The following EHBP1 variants were observed in gnomAD, a reference collection of about 807,000 sequenced individuals.
EHBP1 encodes the protein EH domain binding protein 1, also known as EH domain-binding protein 1.
A neutral mutation model predicts 144.0 loss-of-function variants in EHBP1; 55 were observed. The observed-to-expected ratio is 0.38, with a 90% CI of 0.31 to 0.48. The LOEUF is 0.48. EHBP1 is among the 20% of genes least tolerant of loss of function. The pLI, the probability that EHBP1 is intolerant of heterozygous loss-of-function variation, is 0.98. For synonymous variants in EHBP1, 469 were observed against 472.7 expected (o/e 0.99, Z 0.10); for missense variants, 1,200 against 1,364.2 (o/e 0.88, Z 1.90).
chr2:62,877,447 A>G (rs1212478607), intron 10 of EHBP1, among the ~76,000 whole-genome samples: 14 of 152,268 alleles, frequency 9.2e-5, no homozygotes. Context: ...TCATCCAGGC[A>G]GAAAACTAAT....
chr2:63,026,666 G>C (rs936113058), intron 19 of EHBP1, among the ~76,000 whole-genome samples: 1 of 152,120 alleles, frequency 6.6e-6, no homozygotes, highest in African/African-American at 2.4e-5. Context: ...CATTTCCATT[G>C]CCTCAATTGG....
chr2:62,719,457 A>T (rs2151913593), intron 2 of EHBP1, among the ~76,000 whole-genome samples: 1 of 152,118 alleles, frequency 6.6e-6, no homozygotes, highest in South Asian at 2.1e-4. Flanking sequence ...GCCATGATTC[A>T]CAAACTGTGC....
chr2:62,945,808 C>T (rs1037162167), intron 12 of EHBP1, among the ~76,000 whole-genome samples: 1 of 151,834 alleles, frequency 6.6e-6, no homozygotes, highest in Non-Finnish European at 1.5e-5. Context: ...TAATGCTGGC[C>T]GTAGAGCAAT....
chr2:62,733,955 A>G (rs551446961), intron 2 of EHBP1, among the ~76,000 whole-genome samples: 19 of 152,158 alleles, frequency 1.2e-4, no homozygotes, highest in African/African-American at 3.4e-4. Flanking sequence ...CTTTCACTCC[A>G]GTTTTGGGGG....
intron 10 of EHBP1, among the ~76,000 whole-genome samples, chr2:62,924,486 A>C (rs1442362376): frequency 6.6e-6 from 1 of 152,216 alleles, no homozygotes; most frequent in Non-Finnish European, 1.5e-5. Context: ...GGGAAAAAAG[A>C]GAGAAGACCC....
At chr2:62,831,860 A>G (rs2046842984) in intron 7 of EHBP1, among the ~76,000 whole-genome samples, 1 of 151,984 alleles carries the variant, frequency 6.6e-6, no homozygotes, top group Admixed American at 6.6e-5. Context: ...CCTCCTGGTG[A>G]TTTTTTCAAA....
chr2:62,892,902 C>G (rs1558868540), intron 10 of EHBP1, among the ~76,000 whole-genome samples: 1 of 151,936 alleles, frequency 6.6e-6, no homozygotes. Context: ...ACACATAAAC[C>G]AAAGTAATTA....
chr2:63,018,211 A>G (rs943945819), intron 19 of EHBP1, among the ~76,000 whole-genome samples: 3 of 152,182 alleles, frequency 2.0e-5, no homozygotes, highest in Admixed American at 1.3e-4. Flanking sequence ...TGCTTATAGT[A>G]CTTTTGTTTT....
intron 7 of EHBP1, among the ~76,000 whole-genome samples, chr2:62,848,620 C>G (rs2048464248): frequency 6.6e-6 from 1 of 152,130 alleles, no homozygotes; most frequent in Non-Finnish European, 1.5e-5. Context: ...TTGATATGCC[C>G]TACAACATAG....
At chr2:62,973,122 G>T (rs2058567751) in intron 14 of EHBP1, among the ~76,000 whole-genome samples, 1 of 152,154 alleles carries the variant, frequency 6.6e-6, no homozygotes, top group Non-Finnish European at 1.5e-5. Flanking sequence ...ATTTGCAGAT[G>T]GGAGTATTAT....
upstream of EHBP1, among the ~76,000 whole-genome samples, chr2:62,705,270 G>A (rs888138283): frequency 1.3e-5 from 2 of 152,124 alleles, no homozygotes; most frequent in Non-Finnish European, 2.9e-5. Context: ...AAACCCACAG[G>A]CAGCTGCACT....
intron 5 of EHBP1, among the ~76,000 whole-genome samples, chr2:62,801,599 G>C (rs1317987335): frequency 5.9e-5 from 9 of 152,122 alleles, no homozygotes; most frequent in African/African-American, 2.2e-4. Context: ...TCAAGAGCTA[G>C]ATCTGGCTTT....
chr2:62,702,270 T>A (rs2034299939), upstream of EHBP1, among the ~76,000 whole-genome samples: 1 of 152,250 alleles, frequency 6.6e-6, no homozygotes, highest in African/African-American at 2.4e-5. Context: ...TAAATTATTT[T>A]AAATGTTGCA....
intron 5 of EHBP1, chr2:62,771,817 AAAGT>A: frequency 6.6e-6 from 1 of 152,534 alleles, no homozygotes; most frequent in Non-Finnish European, 1.5e-5. Flanking sequence ...CTTTAAAAAT[AAAGT>A]ATGTGGGCTG....
intron 14 of EHBP1, among the ~76,000 whole-genome samples, chr2:62,958,947 G>T (rs1406146781): frequency 2.0e-5 from 3 of 152,116 alleles, no homozygotes; most frequent in Admixed American, 2.0e-4. Context: ...AAATTTGAGT[G>T]GATACAATGT....
At chr2:62,710,722 C>T (rs1378039871) in intron 2 of EHBP1, among the ~76,000 whole-genome samples, 3 of 152,018 alleles carry the variant, frequency 2.0e-5, no homozygotes, top group Non-Finnish European at 4.4e-5. Context: ...GTGACATTGA[C>T]CTGTTAGATA....
intron 3 of EHBP1, among the ~76,000 whole-genome samples, chr2:62,756,856 A>C (rs1013562744): frequency 4.6e-5 from 7 of 152,074 alleles, no homozygotes; most frequent in African/African-American, 1.7e-4. Context: ...TAAGTTCCAG[A>C]AACTATGAAG....
intron 19 of EHBP1, 100 bp downstream of exon 19, chr2:62,996,866 A>G: frequency 6.6e-7 from 1 of 1,513,764 alleles, no homozygotes; most frequent in Non-Finnish European, 8.9e-7. Flanking sequence ...CTGAATGTTC[A>G]GCAAAACTGC....
chr2:63,019,541 T>C (rs1246976870), intron 19 of EHBP1, among the ~76,000 whole-genome samples: 1 of 151,740 alleles, frequency 6.6e-6, no homozygotes, highest in African/African-American at 2.4e-5. Context: ...ACCCCGTCTC[T>C]ACTAAAAATA....
Sources: allele counts gnomAD v4.1 joint callset (sites outside exome capture counted in the v4.1 genomes callset), GRCh38; gene constraint gnomAD v4.1.1; transcripts MANE v1.5; gene names NCBI Gene and HGNC (gene_info 2026-07-23, HGNC 2026-07-21).